CSTF3: variants seen among roughly 807,000 people sequenced by gnomAD.
CSTF3 encodes the protein CF-1 77 kDa subunit.
A neutral mutation model predicts 105.8 loss-of-function variants in CSTF3; 29 were observed. The ratio of observed to expected loss-of-function variants is 0.27; its 90% CI spans 0.20 to 0.37. The LOEUF (loss-of-function observed/expected upper bound fraction) is 0.37, where lower values mean the gene tolerates loss of function less well. CSTF3 is among the 10% of genes least tolerant of loss of function. The pLI is 1.00. For missense variants in CSTF3, 357 were observed against 879.3 expected (o/e 0.41, Z 7.51); for synonymous variants, 252 against 281.9 (o/e 0.89, Z 1.06).
intron 5 of CSTF3, among the ~76,000 whole-genome samples, chr11:33,107,629 A>T (rs901970482): frequency 1.0e-5 from 1 of 100,018 alleles, no homozygotes; most frequent in South Asian, 3.5e-4. Context: ...TTTTTGAAAA[A>T]ATTTGACAAG....
chr11:33,105,720 AT>A, intron 7 of CSTF3, 27 bp from the exon 8 acceptor site: 1 of 1,611,028 alleles, frequency 6.2e-7, no homozygotes, highest in Non-Finnish European at 8.5e-7. Flanking sequence ...AATGCCATCA[AT>A]TATATTATAA....
chr11:33,143,101 G>A (rs1037699315), intron 1 of CSTF3, among the ~76,000 whole-genome samples: 29 of 152,242 alleles, frequency 1.9e-4, no homozygotes, highest in African/African-American at 6.7e-4. Context: ...ATCTTATTTC[G>A]ATGTAAAGAA....
chr11:33,096,712 CT>C (rs764770346), intron 14 of CSTF3, 122 bp downstream of exon 14: 1 of 933,574 alleles, frequency 1.1e-6, no homozygotes, highest in Non-Finnish European at 1.6e-6. Flanking sequence ...CACAGATACA[CT>C]TAGACTGCCT....
At chr11:33,126,332 A>G (rs1311000515) in intron 3 of CSTF3, among the ~76,000 whole-genome samples, 3 of 151,992 alleles carry the variant, frequency 2.0e-5, no homozygotes, top group African/African-American at 4.8e-5. Flanking sequence ...GGTCTTGGCT[A>G]CTCAGGAGGC....
chr11:33,104,734 C>T (rs1855311486), intron 8 of CSTF3, among the ~76,000 whole-genome samples: 2 of 152,124 alleles, frequency 1.3e-5, no homozygotes, highest in Non-Finnish European at 2.9e-5. Flanking sequence ...CACTGCATTC[C>T]AGCCTCGGTG....
intron 17 of CSTF3, among the ~76,000 whole-genome samples, chr11:33,089,197 A>C (rs553136417): frequency 6.6e-6 from 1 of 152,030 alleles, no homozygotes; most frequent in East Asian, 1.9e-4. Context: ...AAAATACACA[A>C]ATTAGCCAGA....
At chr11:33,117,515 A>G (rs1370327216) in intron 3 of CSTF3, among the ~76,000 whole-genome samples, 1 of 152,030 alleles carries the variant, frequency 6.6e-6, no homozygotes, top group African/African-American at 2.4e-5. Context: ...TTTTATATGT[A>G]TTAACTCATT....
intron 3 of CSTF3, among the ~76,000 whole-genome samples, chr11:33,130,402 G>C (rs949565699): frequency 2.0e-5 from 3 of 152,132 alleles, no homozygotes; most frequent in African/African-American, 7.2e-5. Context: ...GAATGCAGGA[G>C]GCAGAGGCTG....
chr11:33,102,256 T>A lies in CSTF3; in HGVS notation c.747A>T (p.Val249=), dbSNP rs1403094910. 6.2e-7 allele frequency: 1 copy of A among 1,613,822 alleles called. No homozygotes were observed. Among genetic ancestry groups the A allele is most frequent in the Non-Finnish European group, 8.5e-7 (1 of 1,179,818 alleles). ...PQNTPQEAQQ[V]DMWKKYIQWE... ...ACTGTATATATTTCTTCCACATATC[T>A]ACTTGTTGAGCTTCTTGAGGAGTAT... The change falls in exon 10 of 21, where the codon GTA becomes GTT. Residue 249 remains valine, a synonymous_variant. Transcript: ENST00000323959.
chr11:33,087,084 T>C lies in CSTF3; in HGVS notation c.1699A>G (p.Ile567Val), dbSNP rs745985559. ...IIPDPVVAPSIVPVLKDEVDR... is the reference protein window; with the variant it reads ...IIPDPVVAPSVVPVLKDEVDR... ...ACTTCATCTTTCAGAACAGGCACTA[T>C]AGAAGGAGCTACAACTGGGTCCGGA... The change falls in exon 18 of 21, where the codon ATA becomes GTA. Residue 567 changes from isoleucine to valine, a missense_variant. Physicochemically the swap from Ile to Val is conservative, Grantham distance 29. This residue lies in a region of CSTF3 where 206 missense variants were observed against 576.5 expected (regional missense o/e 0.36). Coordinates refer to ENST00000323959, the MANE Select transcript of CSTF3 (RefSeq NM_001326.3). 48 of 1,614,002 alleles carry C rather than the reference T, an allele frequency of 3.0e-5. No individual in the cohort carries two copies. In the East Asian group the frequency reaches 3.3e-4, roughly 11 times the overall value.
intron 1 of CSTF3, among the ~76,000 whole-genome samples, chr11:33,150,677 G>A (rs1032305284): frequency 2.0e-5 from 3 of 151,902 alleles, no homozygotes; most frequent in Non-Finnish European, 2.9e-5. Flanking sequence ...GCAACATTGC[G>A]AAACCCCATC....
intron 13 of CSTF3, 85 bp downstream of exon 13, chr11:33,098,605 G>A: frequency 2.5e-6 from 2 of 809,190 alleles, no homozygotes; most frequent in South Asian, 3.3e-5. Context: ...AACAAAAACA[G>A]TGAATTTTAT....
At chr11:33,089,902 C>T (rs1214815929) in intron 17 of CSTF3, among the ~76,000 whole-genome samples, 2 of 152,286 alleles carry the variant, frequency 1.3e-5, no homozygotes, top group East Asian at 3.9e-4. Context: ...AGGGCTGTTA[C>T]TGGGGCTTTG....
intron 3 of CSTF3, among the ~76,000 whole-genome samples, chr11:33,128,184 A>G (rs1855563363): frequency 1.3e-5 from 2 of 152,120 alleles, no homozygotes; most frequent in Admixed American, 6.5e-5. Context: ...CCTACTATGG[A>G]AAATAACCAA....
rs752424222 is a variant in CSTF3 at position 33,141,992 on chromosome 11, GA to G, written c.28-7del. 2.4e-5 allele frequency: 38 copies of G among 1,610,176 alleles called. No individual in the cohort carries two copies. Among genetic ancestry groups the G allele is most frequent in the South Asian group, 7.7e-5 (7 of 90,748 alleles). On this transcript the variant is annotated splice_polypyrimidine_tract_variant and splice_region_variant and intron_variant, in intron 1 of 20. Transcript: ENST00000323959. Reference sequence around the variant, plus strand: ...TCTGGGACATACTCAGCTGCCTGGGGAAAAAAAACAACAGTGAACTAAAGTT... The same window carrying G: ...TCTGGGACATACTCAGCTGCCTGGGGAAAAAAACAACAGTGAACTAAAGTT...
Position 33,099,512 on chromosome 11 carries a change from T to C in CSTF3, c.936+96A>G, listed in dbSNP as rs1282538709. On this transcript the variant is annotated intron_variant, in intron 11 of 20. Transcript: ENST00000323959. The surrounding 1 kb of genome is among the most constrained non-coding windows in gnomAD (Gnocchi z 4.1). ...CGTAAACTTAAATTTTCAATACTTA[T>C]GCTTTATTACCAAAATTCAGTTATA... 9.6e-6 allele frequency: 8 copies of C among 836,320 alleles called. No homozygotes were observed. Among genetic ancestry groups the C allele is most frequent in the African/African-American group, 3.5e-5 (2 of 57,058 alleles). The allele number at this position is 836,320 out of a possible 1,614,324, so 51.8% of individuals were successfully genotyped here.
At chr11:33,153,064 A>G (rs1394012801) in intron 1 of CSTF3, among the ~76,000 whole-genome samples, 2 of 152,134 alleles carry the variant, frequency 1.3e-5, no homozygotes, top group Non-Finnish European at 2.9e-5. Context: ...TAAAAATAAT[A>G]AATTCCTTAA....
At chr11:33,092,416 A>C in intron 15 of CSTF3, 76 bp from the exon 16 acceptor site, 34 of 886,274 alleles carry the variant, frequency 3.8e-5, no homozygotes, top group Non-Finnish European at 4.9e-5. Context: ...GCATTATCTC[A>C]CTTCATCCTT....
chr11:33,141,330 G>T (rs991532317), intron 3 of CSTF3: 37 of 484,824 alleles, frequency 7.6e-5, no homozygotes, highest in Non-Finnish European at 1.1e-4. Flanking sequence ...ATTCATATTA[G>T]TTTGTAAGTA....
Sources: allele counts gnomAD v4.1 joint callset (sites outside exome capture counted in the v4.1 genomes callset), GRCh38; gene constraint gnomAD v4.1.1; regional missense constraint gnomAD v4.1.1; non-coding constraint Gnocchi (gnomAD v3.1); transcripts MANE v1.5; gene names NCBI Gene and HGNC (gene_info 2026-07-23, HGNC 2026-07-21).